The following SLC8A1 variants were observed in gnomAD, a reference collection of about 807,000 sequenced individuals.
SLC8A1 encodes the protein sodium/calcium exchanger 1.
Under a neutral mutation model 68.3 loss-of-function variants are expected in SLC8A1, and 18 were observed. The observed-to-expected ratio is 0.26, with a 90% CI of 0.18 to 0.39. The LOEUF (loss-of-function observed/expected upper bound fraction) is 0.39. Among genes scored for constraint, SLC8A1 ranks in the 10% least tolerant of loss-of-function variants. The pLI is 1.00. For synonymous variants in SLC8A1, 475 were observed against 415.5 expected (o/e 1.14, Z -1.74); for missense variants, 985 against 1,156.7 (o/e 0.85, Z 2.15).
At chr2:40,119,762 G>A (rs1055713230) in intron 7 of SLC8A1, among the ~76,000 whole-genome samples, 1 of 152,122 alleles carries the variant, frequency 6.6e-6, no homozygotes, top group Non-Finnish European at 1.5e-5. Context: ...GTTTTTAATA[G>A]TTTTTGCTAT....
intron 2 of SLC8A1, among the ~76,000 whole-genome samples, chr2:40,399,051 C>G (rs976748558): frequency 1.2e-4 from 19 of 152,182 alleles, no homozygotes; most frequent in Admixed American, 1.0e-3. Flanking sequence ...GAGAAAGCAT[C>G]TGTCAGAGAT....
intron 1 of SLC8A1, among the ~76,000 whole-genome samples, chr2:40,444,307 C>G (rs112869739): frequency 0.12 from 18,501 of 152,146 alleles, 1,462 homozygotes; most frequent in Middle Eastern, 0.23. Flanking sequence ...CCACTGCACC[C>G]CAGCCTGGGT....
rs189240820 is a variant in SLC8A1 at position 40,511,860 on chromosome 2, T to G, written c.-25+489A>C. Among the ~76,000 whole-genome samples, 6 of 152,196 alleles carry G rather than the reference T, an allele frequency of 3.9e-5. No individual in the cohort carries two copies. The East Asian group carries it at 1.2e-3, about 29-fold the overall frequency. The stretch of plus-strand genomic sequence containing the variant: ...GCTGAGAAATATTGCAAAAATGACT[T>G]CAGCTGCCAAAAATAATGTCGTTTA... On this transcript the variant is annotated intron_variant, in intron 1 of 7. Coordinates refer to the SLC8A1 transcript ENST00000402441.
chr2:40,209,478 C>G (rs1558763264), intron 2 of SLC8A1, among the ~76,000 whole-genome samples: 1 of 152,180 alleles, frequency 6.6e-6, no homozygotes, highest in East Asian at 1.9e-4. Context: ...GCCATGTAGA[C>G]TCTTGAAAGG....
At chr2:40,150,796 CT>C in intron 6 of SLC8A1, among the ~76,000 whole-genome samples, 1 of 152,154 alleles carries the variant, frequency 6.6e-6, no homozygotes, top group Non-Finnish European at 1.5e-5. Flanking sequence ...AAAATAATTG[CT>C]TTTTTTCTCC....
intron 2 of SLC8A1, among the ~76,000 whole-genome samples, chr2:40,368,604 C>T (rs1160546478): frequency 6.6e-6 from 1 of 151,876 alleles, no homozygotes; most frequent in Non-Finnish European, 1.5e-5. Context: ...TTTTTAAAAA[C>T]TTTTAAGTTC....
chr2:40,508,131 GA>G (rs1163924347), intron 1 of SLC8A1, among the ~76,000 whole-genome samples: 18 of 152,000 alleles, frequency 1.2e-4, no homozygotes, highest in Non-Finnish European at 2.2e-4. Flanking sequence ...GCAGATTAAG[GA>G]ACTAGAGTTC....
chr2:40,327,137 T>C (rs1042751957), intron 2 of SLC8A1, among the ~76,000 whole-genome samples: 1 of 152,260 alleles, frequency 6.6e-6, no homozygotes, highest in African/African-American at 2.4e-5. Flanking sequence ...CTTTCTCATA[T>C]GCATGTTATA....
intron 2 of SLC8A1, among the ~76,000 whole-genome samples, chr2:40,259,417 C>T (rs1185592938): frequency 6.6e-6 from 1 of 152,158 alleles, no homozygotes; most frequent in African/African-American, 2.4e-5. Flanking sequence ...CTTTTAATCC[C>T]ATTTCTTTCT....
At chr2:40,326,359 T>C (rs1219664350) in intron 2 of SLC8A1, among the ~76,000 whole-genome samples, 3 of 151,826 alleles carry the variant, frequency 2.0e-5, no homozygotes, top group Non-Finnish European at 4.4e-5. Flanking sequence ...CCTCATAATA[T>C]AGATTAGAGG....
rs557064123 is a variant in SLC8A1, at chr2:40,474,528, C to T, written c.-25+37821G>A. On this transcript the variant is annotated intron_variant, in intron 1 of 7. Transcript: ENST00000402441. ...TAATGTCAGCTTCCCCGTTTTCTTCCAGAGTTCCTGCTAGTATTTTGGTAC... is the reference window on the plus strand; with the variant it reads ...TAATGTCAGCTTCCCCGTTTTCTTCTAGAGTTCCTGCTAGTATTTTGGTAC... 2.0e-5 allele frequency among the ~76,000 whole-genome samples: 3 copies of T among 152,190 alleles called. No individual in the cohort carries two copies. In the South Asian group the frequency reaches 6.2e-4, roughly 32 times the overall value.
rs1225009481 is a variant in SLC8A1, at chr2:40,333,632, ATCT to A, written c.1808+94838_1808+94840del. Among the ~76,000 whole-genome samples, 11 of 152,246 alleles carry A rather than the reference ATCT, an allele frequency of 7.2e-5. No individual in the cohort carries two copies. In the South Asian group the frequency reaches 1.2e-3, roughly 17 times the overall value. On this transcript the variant is annotated intron_variant, in intron 2 of 7. Coordinates refer to ENST00000406785, the Ensembl canonical transcript of SLC8A1. ...ATATATATATTTTTCTAACTCTCAT[ATCT>A]TCTTAATAGTATAAACAAGAATAAA...
chr2:40,253,907 T>C lies in SLC8A1; in HGVS notation c.1809-76052A>G, dbSNP rs552283665. Among the ~76,000 whole-genome samples the C allele has an allele frequency of 1.8e-3, 198 of 112,824 alleles. 1 individual carries two copies. The highest frequency in any genetic ancestry group is 7.4e-3 in the African/African-American group (187 of 25,360). The allele number at this position is 112,824 out of a possible 152,430, so 74.0% of individuals were successfully genotyped here. On this transcript the variant is annotated intron_variant, in intron 2 of 7. Coordinates refer to ENST00000406785, the Ensembl canonical transcript of SLC8A1. ...GGATAAAGAAACAAACGTTGGTTTATGGTACAAGAATACAGTTAGCTAAAA... is the reference window on the plus strand; with the variant it reads ...GGATAAAGAAACAAACGTTGGTTTACGGTACAAGAATACAGTTAGCTAAAA...
At chr2:40,301,593 G>A (rs12470384) in intron 2 of SLC8A1, among the ~76,000 whole-genome samples, 2,785 of 148,308 alleles carry the variant, frequency 0.019, 26 homozygotes, top group Non-Finnish European at 0.03. Flanking sequence ...GACTTGGAGG[G>A]AAGGGTGGGA....
rs371395367 is a variant in SLC8A1, at chr2:40,212,281, A to ATGTTTTTTTTTTTTTTTTTTTTTTTTT, written c.1809-34427_1809-34426insAAAAAAAAAAAAAAAAAAAAAAAAACA. ...AGGTGCTAAACAGAAGAGATGCAAT[A>ATGTTTTTTTTTTTTTTTTTTTTTTTTT]TCTTTTTTTTTTTTTTTTTTCCTGA... On this transcript the variant is annotated intron_variant, in intron 2 of 7. Coordinates refer to ENST00000406785, the Ensembl canonical transcript of SLC8A1. Among the ~76,000 whole-genome samples the ATGTTTTTTTTTTTTTTTTTTTTTTTTT allele has an allele frequency of 2.5e-5, 3 of 118,212 alleles. 1 individual carries two copies. The highest frequency in any genetic ancestry group is 3.1e-5 in the African/African-American group (1 of 32,260). 77.6% of individuals were successfully genotyped at this position (118,212 alleles called of 152,430 possible). A position where few individuals can be genotyped will look rare whatever the true frequency, so the allele number is the denominator to read the frequency against.
intron 2 of SLC8A1, among the ~76,000 whole-genome samples, chr2:40,296,307 A>T (rs1485732619): frequency 3.9e-5 from 6 of 152,184 alleles, no homozygotes; most frequent in African/African-American, 1.4e-4. Context: ...TCTAGGAATG[A>T]CATTTCCTTC....
chr2:40,233,719 T>C (rs538531211), intron 2 of SLC8A1, among the ~76,000 whole-genome samples: 4 of 150,200 alleles, frequency 2.7e-5, no homozygotes, highest in East Asian at 1.9e-4. Context: ...CTAGGGTTTT[T>C]ATGGTTTTAG....
intron 5 of SLC8A1, 100 bp downstream of exon 8, chr2:40,164,754 A>G (rs946098391): frequency 8.2e-6 from 12 of 1,455,532 alleles, no homozygotes; most frequent in South Asian, 1.3e-5. Flanking sequence ...AATTACATCT[A>G]CTACTCTTTC....
chr2:40,204,924 T>C (rs1574026782), intron 2 of SLC8A1, among the ~76,000 whole-genome samples: 2 of 152,012 alleles, frequency 1.3e-5, no homozygotes, highest in Non-Finnish European at 2.9e-5. Context: ...GCTACCATAT[T>C]GAATGGTACA....
Sources: allele counts gnomAD v4.1 joint callset (sites outside exome capture counted in the v4.1 genomes callset), GRCh38; gene constraint gnomAD v4.1.1; transcripts MANE v1.5; gene names NCBI Gene and HGNC (gene_info 2026-07-23, HGNC 2026-07-21).